C8orf90: variants seen among roughly 807,000 people sequenced by gnomAD.
C8orf90 encodes chromosome 8 open reading frame 90, also known as uncharacterized protein C8orf90.
the C8orf90 span, chr8:141,518,724 C>G: frequency 8.8e-5 from 41 of 464,334 alleles, no homozygotes; most frequent in African/African-American, 7.8e-4. Context: ...AAAGAGTTTC[C>G]CCAGCTCTCC....
chr8:141,518,342 T>C, the C8orf90 span: 1 of 673,176 alleles, frequency 1.5e-6, no homozygotes, highest in East Asian at 3.0e-5. Flanking sequence ...GACTTCGCCA[T>C]CCGCGTGCTC....
the C8orf90 span, among the ~76,000 whole-genome samples, chr8:141,516,771 A>T: frequency 3.3e-5 from 5 of 151,980 alleles, no homozygotes; most frequent in Admixed American, 6.5e-5. Context: ...TCTGGGCTCC[A>T]CTCTTATCCC....
chr8:141,516,270 C>T, the C8orf90 span, among the ~76,000 whole-genome samples: 1 of 152,242 alleles, frequency 6.6e-6, no homozygotes, highest in Non-Finnish European at 1.5e-5. Context: ...CCTTCCGTCT[C>T]CTGCCCTACT....
chr8:141,515,907 C>T, the C8orf90 span, among the ~76,000 whole-genome samples: 2 of 152,206 alleles, frequency 1.3e-5, no homozygotes, highest in Non-Finnish European at 2.9e-5. Flanking sequence ...TAGCAACCAC[C>T]TCGCACCTTC....
chr8:141,518,293 G>C, the C8orf90 span: 1 of 662,840 alleles, frequency 1.5e-6, no homozygotes, highest in Non-Finnish European at 2.7e-6. Context: ...GCATTTCCGC[G>C]GCATCGGGCG....
the C8orf90 span, among the ~76,000 whole-genome samples, chr8:141,517,569 C>A: frequency 2.0e-5 from 3 of 152,186 alleles, no homozygotes; most frequent in Non-Finnish European, 4.4e-5. Context: ...CCTCCGCTCC[C>A]TCCTGGGGCC....
the C8orf90 span, chr8:141,518,407 G>A: frequency 1.5e-6 from 1 of 673,082 alleles, no homozygotes; most frequent in Non-Finnish European, 2.7e-6. Context: ...GTCCGACCCC[G>A]CCTGCGGGCC....
At chr8:141,515,443 T>TG in the C8orf90 span, among the ~76,000 whole-genome samples, 14,739 of 149,024 alleles carry the variant, frequency 0.099, 856 homozygotes, top group African/African-American at 0.14. Context: ...TGCCCTGCCC[T>TG]CTCCCTAGCT....
the C8orf90 span, among the ~76,000 whole-genome samples, chr8:141,515,708 G>T: frequency 0.35 from 53,367 of 151,622 alleles, 10,347 homozygotes; most frequent in Non-Finnish European, 0.45. Context: ...CATGGCCTCT[G>T]CCCCCTCGCT....
the C8orf90 span, among the ~76,000 whole-genome samples, chr8:141,516,230 G>A: frequency 1.3e-5 from 2 of 152,136 alleles, no homozygotes; most frequent in African/African-American, 4.8e-5. Context: ...AAAGCATGCT[G>A]CGATTTATCC....
the C8orf90 span, among the ~76,000 whole-genome samples, chr8:141,517,005 G>A: frequency 6.6e-6 from 1 of 152,194 alleles, no homozygotes; most frequent in East Asian, 1.9e-4. Context: ...GAGCCTGCCT[G>A]CCACACAGTA....
the C8orf90 span, among the ~76,000 whole-genome samples, chr8:141,516,881 T>C: frequency 6.6e-6 from 1 of 152,100 alleles, no homozygotes; most frequent in South Asian, 2.1e-4. Context: ...CAGAACAGGG[T>C]TGGTTGGCTC....
chr8:141,518,610 G>T, the C8orf90 span: 1 of 489,466 alleles, frequency 2.0e-6, no homozygotes. Flanking sequence ...GCTGCTGCCC[G>T]GCCCCGCCGC....
the C8orf90 span, among the ~76,000 whole-genome samples, chr8:141,517,590 C>A: frequency 6.6e-6 from 1 of 152,212 alleles, no homozygotes; most frequent in Non-Finnish European, 1.5e-5. Flanking sequence ...GCACCTCCCT[C>A]TGGATTCCAG....
At chr8:141,517,787 G>T in the C8orf90 span, among the ~76,000 whole-genome samples, 1 of 152,118 alleles carries the variant, frequency 6.6e-6, no homozygotes, top group South Asian at 2.1e-4. Context: ...TCTGCACAGC[G>T]GCCGGATCAA....
chr8:141,515,351 C>A, the C8orf90 span, among the ~76,000 whole-genome samples: 1 of 146,810 alleles, frequency 6.8e-6, no homozygotes, highest in African/African-American at 2.5e-5. Flanking sequence ...CCCATCCACC[C>A]ACTCCTCCAC....
the C8orf90 span, among the ~76,000 whole-genome samples, chr8:141,517,244 C>T: frequency 6.6e-6 from 1 of 152,376 alleles, no homozygotes; most frequent in South Asian, 2.1e-4. Context: ...TTCATCCATT[C>T]CCACTTCCTA....
the C8orf90 span, chr8:141,518,276 G>A: frequency 1.5e-4 from 100 of 657,588 alleles, 3 homozygotes; most frequent in South Asian, 1.5e-3. Context: ...GCGCAGCTCT[G>A]GGAGGCGCAT....
the C8orf90 span, among the ~76,000 whole-genome samples, chr8:141,516,121 C>G: frequency 9.7e-4 from 148 of 152,314 alleles, no homozygotes; most frequent in African/African-American, 1.8e-3. Context: ...CAGCTTCTCC[C>G]ATTCCATCCC....
Sources: gnomAD v4.1 joint callset for allele counts (sites outside exome capture counted in the v4.1 genomes callset) on GRCh38, gnomAD v4.1.1 for gene constraint, MANE v1.5 for transcripts, NCBI Gene and HGNC (gene_info 2026-07-23, HGNC 2026-07-21) for gene names.